The following PXK variants were observed in gnomAD, a reference collection of about 807,000 sequenced individuals.
The protein encoded by PXK is PX domain containing serine/threonine kinase like, also known as PX domain-containing protein kinase-like protein.
A neutral mutation model predicts 84.7 loss-of-function variants in PXK; 35 were observed. The ratio of observed to expected loss-of-function variants is 0.41; its 90% CI spans 0.32 to 0.55. PXK has a LOEUF of 0.55. Ranked by LOEUF, PXK falls within the 20% of genes least tolerant of loss-of-function variation. The probability of loss-of-function intolerance (pLI) is 0.21; values close to 1 mark genes in which losing one functional copy is unlikely to be tolerated. For missense variants in PXK, 634 were observed against 699.7 expected, an observed-to-expected ratio of 0.91 and a Z score of 1.06; for synonymous variants, 253 against 260.8, an observed-to-expected ratio of 0.97 and a Z score of 0.29.
chr3:58,367,995 T>G (rs951863189), intron 2 of PXK, among the ~76,000 whole-genome samples: 2 of 152,028 alleles, frequency 1.3e-5, no homozygotes, highest in African/African-American at 4.8e-5. Flanking sequence ...TTGTCTGTTC[T>G]TCTTTTTTTA....
At chr3:58,363,998 A>G (rs1380074903) in intron 1 of PXK, among the ~76,000 whole-genome samples, 2 of 152,200 alleles carry the variant, frequency 1.3e-5, no homozygotes, top group African/African-American at 2.4e-5. Context: ...ATACGATCAC[A>G]TGATTTTTCT....
At chr3:58,354,561 C>G (rs141000257) in intron 1 of PXK, among the ~76,000 whole-genome samples, 2,139 of 152,000 alleles carry the variant, frequency 0.014, 60 homozygotes, top group African/African-American at 0.048. Flanking sequence ...ATTCTCCTGC[C>G]TCAGCCTCCT....
In PXK at chr3:58,401,442, C is replaced by T. The variant is rs1386217550; in HGVS notation, c.1181+2065C>T. The stretch of plus-strand genomic sequence containing the variant: ...CAGCCTGGCCAACATGGCGAAACCC[C>T]ATCTCTACAAAAAATACAACAACAA... On this transcript the variant is annotated intron_variant, in intron 12 of 17. Coordinates refer to ENST00000356151, the MANE Select transcript of PXK (RefSeq NM_017771.5). This position sits in a 1 kb window ranked among gnomAD's most constrained non-coding sequence, Gnocchi z 4.4. Among the ~76,000 whole-genome samples the T allele has an allele frequency of 6.6e-6, 1 of 151,852 alleles. No individual in the cohort carries two copies. The highest frequency in any genetic ancestry group is 2.4e-5 in the African/African-American group (1 of 41,314).
At position 58,421,282 on chromosome 3, in the gene PXK, A is replaced by G; in HGVS notation, c.1529-3470A>G. On this transcript the variant is annotated intron_variant, in intron 17 of 17. Transcript: ENST00000356151. The surrounding 1 kb of genome is among the most constrained non-coding windows in gnomAD (Gnocchi z 5.5). ...ACTGCTGGCTGCTAACATGGGCCTA[A>G]GAGTCGGTGGGGAAGGGAGCCAGGC... 1.0e-6 allele frequency: 1 copy of G among 985,336 alleles called. No individual in the cohort carries two copies. Among genetic ancestry groups the G allele is most frequent in the Non-Finnish European group, 1.2e-6 (1 of 829,912 alleles). 61.0% of individuals were successfully genotyped at this position (985,336 alleles called of 1,614,324 possible). A position where few individuals can be genotyped will look rare whatever the true frequency, so the allele number is the denominator to read the frequency against.
intron 17 of PXK, chr3:58,420,553 T>C (rs1217981922): frequency 1.3e-6 from 2 of 1,535,964 alleles, no homozygotes; most frequent in Admixed American, 2.0e-5. Flanking sequence ...TGCACCATTT[T>C]GAACGTGAAT....
At chr3:58,402,691 A>G (rs1199431576) in intron 12 of PXK, among the ~76,000 whole-genome samples, 1 of 151,078 alleles carries the variant, frequency 6.6e-6, no homozygotes, top group Non-Finnish European at 1.5e-5. Context: ...TCAGCCTCCC[A>G]AAGTGCTGAG....
intron 3 of PXK, among the ~76,000 whole-genome samples, chr3:58,377,618 AAAG>A (rs1417718473): frequency 5.1e-5 from 4 of 78,812 alleles, no homozygotes; most frequent in African/African-American, 1.1e-4. Context: ...AAAAAAAAAA[AAAG>A]AAAAGAAAGA....
At chr3:58,410,998 G>C (rs1560117242) in intron 16 of PXK, among the ~76,000 whole-genome samples, 1 of 152,216 alleles carries the variant, frequency 6.6e-6, no homozygotes, top group Non-Finnish European at 1.5e-5. Flanking sequence ...CAAGGGGTTA[G>C]CATCCAAAGC....
chr3:58,363,609 G>A (rs148907507), intron 1 of PXK, among the ~76,000 whole-genome samples: 225 of 152,274 alleles, frequency 1.5e-3, no homozygotes, highest in Middle Eastern at 0.01. Flanking sequence ...GGCATGAGCC[G>A]CTGAGTCTGG....
Position 58,398,077 on chromosome 3 carries a change from C to T in PXK, c.1102+355C>T, listed in dbSNP as rs936759335. 2.0e-5 allele frequency among the ~76,000 whole-genome samples: 3 copies of T among 152,080 alleles called. No homozygotes were observed. Among genetic ancestry groups the T allele is most frequent in the Admixed American group, 6.6e-5 (1 of 15,256 alleles). ...CTTGAGGACCCAGGCAGGTGTCAGACGTCAGATCAAGACTGAAGTGAGACT... is the reference window on the plus strand; with the variant it reads ...CTTGAGGACCCAGGCAGGTGTCAGATGTCAGATCAAGACTGAAGTGAGACT... On this transcript the variant is annotated intron_variant, in intron 11 of 17. Transcript: ENST00000356151. This position sits in a 1 kb window ranked among gnomAD's most constrained non-coding sequence, Gnocchi z 4.5.
chr3:58,393,811 T>G (rs185760868), intron 7 of PXK, among the ~76,000 whole-genome samples: 12 of 152,320 alleles, frequency 7.9e-5, no homozygotes, highest in African/African-American at 2.6e-4. Flanking sequence ...AATGTGATTT[T>G]CTAACTCTAT....
chr3:58,350,658 T>C (rs2097905204), intron 1 of PXK, among the ~76,000 whole-genome samples: 1 of 152,172 alleles, frequency 6.6e-6, no homozygotes. Context: ...TTCAGGGTTT[T>C]TGTTGTATAA....
chr3:58,333,147 C>T lies in PXK; in HGVS notation c.102+57C>T, dbSNP rs979804819. On this transcript the variant is annotated intron_variant, in intron 1 of 17. Transcript: ENST00000356151. This position sits in a 1 kb window ranked among gnomAD's most constrained non-coding sequence, Gnocchi z 5.4. ...GGGGCGGCCCCGGGCCGCGAGGGGGCTGCGGGCTGCCTGGCGCGGGCCGGG... is the reference window on the plus strand; with the variant it reads ...GGGGCGGCCCCGGGCCGCGAGGGGGTTGCGGGCTGCCTGGCGCGGGCCGGG... The T allele has an allele frequency of 3.6e-4, 349 of 981,432 alleles. No individual in the cohort carries two copies. The highest frequency in any genetic ancestry group is 4.0e-4 in the Non-Finnish European group (327 of 813,780). 60.8% of individuals were successfully genotyped at this position (981,432 alleles called of 1,614,324 possible).
intron 8 of PXK, among the ~76,000 whole-genome samples, 155 bp downstream of exon 8, chr3:58,395,257 T>C (rs2057462502): frequency 6.6e-6 from 1 of 152,238 alleles, no homozygotes; most frequent in Non-Finnish European, 1.5e-5. Flanking sequence ...CAATAAAAAC[T>C]CTACTTAGTT....
intron 17 of PXK, chr3:58,413,643 A>G (rs545727472): frequency 6.6e-6 from 1 of 152,300 alleles, no homozygotes; most frequent in Non-Finnish European, 1.5e-5. Context: ...TGTCTCTCCT[A>G]AAGTCTTTTG....
chr3:58,424,521 C>T (rs1288474818), intron 17 of PXK, among the ~76,000 whole-genome samples: 1 of 152,178 alleles, frequency 6.6e-6, no homozygotes, highest in Non-Finnish European at 1.5e-5. Context: ...ATTATTTGTT[C>T]CAACAGCCTT....
chr3:58,391,341 G>A (rs1409108845), intron 6 of PXK, 121 bp downstream of exon 6: 14 of 811,792 alleles, frequency 1.7e-5, no homozygotes, highest in Non-Finnish European at 2.5e-5. Flanking sequence ...AGGCTTCCTT[G>A]GTCCATGTCA....
Position 58,414,538 on chromosome 3 carries a change from G to T in PXK, c.1528+1575G>T, listed in dbSNP as rs905774519. On this transcript the variant is annotated intron_variant, in intron 17 of 17. Coordinates refer to ENST00000356151, the MANE Select transcript of PXK (RefSeq NM_017771.5). The surrounding 1 kb of genome is among the most constrained non-coding windows in gnomAD (Gnocchi z 4.5). ...AATGAGAGAAAAAAAGAGGAATCTT[G>T]TATAATTAGAGTCAATGTTGGGAAA... 1 of 152,194 alleles carries T rather than the reference G, an allele frequency of 6.6e-6. No individual in the cohort carries two copies. Among genetic ancestry groups the T allele is most frequent in the Admixed American group, 6.5e-5 (1 of 15,270 alleles). The allele number at this position is 152,194 out of a possible 1,614,324, so 9.4% of individuals were successfully genotyped here.
chr3:58,368,943 T>G (rs897503960), intron 2 of PXK, among the ~76,000 whole-genome samples: 9 of 152,274 alleles, frequency 5.9e-5, no homozygotes, highest in Non-Finnish European at 1.3e-4. Flanking sequence ...ATCAGGGCGA[T>G]GTATGTGTGG....
Sources: allele counts gnomAD v4.1 joint callset (sites outside exome capture counted in the v4.1 genomes callset), GRCh38; gene constraint gnomAD v4.1.1; non-coding constraint Gnocchi (gnomAD v3.1); transcripts MANE v1.5; gene names NCBI Gene and HGNC (gene_info 2026-07-23, HGNC 2026-07-21).